The following MDGA2 variants were observed in gnomAD, a reference collection of about 807,000 sequenced individuals.
The protein encoded by MDGA2 is MAM domain containing glycosylphosphatidylinositol anchor 2.
A neutral mutation model predicts 117.8 loss-of-function variants in MDGA2; 40 were observed. The observed-to-expected ratio is 0.34, with a 90% CI of 0.26 to 0.44. The LOEUF (loss-of-function observed/expected upper bound fraction) is 0.44. MDGA2 is among the 20% of genes least tolerant of loss of function. The probability of loss-of-function intolerance (pLI) is 1.00; values close to 1 mark genes in which losing one functional copy is unlikely to be tolerated. For synonymous variants in MDGA2, 452 were observed against 439.0 expected (o/e 1.03, Z -0.37); for missense variants, 1,123 against 1,250.6 (o/e 0.90, Z 1.54).
At chr14:47,666,681 T>C (rs1347596933) in intron 1 of MDGA2, among the ~76,000 whole-genome samples, 4 of 152,214 alleles carry the variant, frequency 2.6e-5, no homozygotes, top group Non-Finnish European at 4.4e-5. Flanking sequence ...AAAAGCAGGC[T>C]GCCTGAGCCA....
chr14:47,541,633 T>C (rs149345447), intron 1 of MDGA2, among the ~76,000 whole-genome samples: 2 of 152,294 alleles, frequency 1.3e-5, no homozygotes, highest in African/African-American at 4.8e-5. Flanking sequence ...AACATCTGCT[T>C]TGGAATCAGA....
At chr14:47,209,757 A>G (rs1394143253) in intron 3 of MDGA2, among the ~76,000 whole-genome samples, 1 of 152,166 alleles carries the variant, frequency 6.6e-6, no homozygotes, top group Non-Finnish European at 1.5e-5. Context: ...AATTCAGAAA[A>G]TTGCAAAATC....
At chr14:46,907,025 G>T (rs1160647456) in intron 10 of MDGA2, among the ~76,000 whole-genome samples, 1 of 141,836 alleles carries the variant, frequency 7.1e-6, no homozygotes, top group Non-Finnish European at 1.5e-5. Flanking sequence ...CGCCCAGAGT[G>T]GAGTGCAGTG....
rs1897901328 is a variant in MDGA2 at position 47,664,232 on chromosome 14, A to G, written c.280+10285T>C. Among the ~76,000 whole-genome samples the G allele has an allele frequency of 2.0e-5, 3 of 152,216 alleles. No individual in the cohort carries two copies. The South Asian group carries it at 6.2e-4, about 31-fold the overall frequency. On this transcript the variant is annotated intron_variant, in intron 1 of 16. Transcript: ENST00000399232. Reference sequence around the variant, plus strand: ...TATAATACTTAAAGTGTTTAAAAATACTCAGTTTCTGTTATTTTCCCCTAG... The same window carrying G: ...TATAATACTTAAAGTGTTTAAAAATGCTCAGTTTCTGTTATTTTCCCCTAG...
chr14:47,135,776 T>C (rs1213027504), intron 4 of MDGA2, among the ~76,000 whole-genome samples: 2 of 152,166 alleles, frequency 1.3e-5, no homozygotes, highest in African/African-American at 4.8e-5. Flanking sequence ...TTCATTCTCA[T>C]CAAATTAGTT....
rs117168270 is a variant in MDGA2 at position 47,181,220 on chromosome 14, C to T, written c.595+36801G>A. 3.9e-3 allele frequency among the ~76,000 whole-genome samples: 600 copies of T among 152,200 alleles called. 29 individuals are homozygous for T. In the East Asian group the frequency reaches 0.1, roughly 25 times the overall value. The stretch of plus-strand genomic sequence containing the variant: ...CATGCATTAGGTGTTTGTCCTATTG[C>T]TCTCCCTCTCCTTGTCCCCCACCTC... On this transcript the variant is annotated intron_variant, in intron 3 of 16. Coordinates refer to ENST00000399232, the MANE Select transcript of MDGA2 (RefSeq NM_001113498.3).
chr14:47,477,772 G>A (rs962139987), intron 1 of MDGA2, among the ~76,000 whole-genome samples: 6 of 152,166 alleles, frequency 3.9e-5, no homozygotes, highest in African/African-American at 1.4e-4. Context: ...TATGTGAGAA[G>A]GATATTGCCT....
chr14:47,297,571 C>A (rs1309482226), intron 2 of MDGA2, among the ~76,000 whole-genome samples: 2 of 151,672 alleles, frequency 1.3e-5, no homozygotes, highest in Admixed American at 1.3e-4. Context: ...GTAGCTGAAT[C>A]CTGAAGCTGT....
At chr14:47,036,796 CAAAT>C (rs1368549162) in intron 7 of MDGA2, among the ~76,000 whole-genome samples, 1 of 152,178 alleles carries the variant, frequency 6.6e-6, no homozygotes, top group Non-Finnish European at 1.5e-5. Flanking sequence ...ATTATAGAGA[CAAAT>C]AAATTCAAGT....
chr14:47,043,665 T>C (rs1244555518), intron 7 of MDGA2, among the ~76,000 whole-genome samples: 1 of 152,110 alleles, frequency 6.6e-6, no homozygotes, highest in African/African-American at 2.4e-5. Context: ...AAGGTCTAAA[T>C]CCCACTGCTT....
intron 8 of MDGA2, among the ~76,000 whole-genome samples, chr14:47,012,645 A>G (rs943204268): frequency 3.9e-5 from 6 of 152,158 alleles, no homozygotes; most frequent in Non-Finnish European, 7.4e-5. Context: ...TGTTCCACAA[A>G]TACTGTTTTC....
At chr14:46,857,079 T>C (rs1034098633) in intron 14 of MDGA2, among the ~76,000 whole-genome samples, 2 of 152,232 alleles carry the variant, frequency 1.3e-5, no homozygotes, top group South Asian at 2.1e-4. Context: ...TACTCAAATA[T>C]ATCTTTTACT....
At chr14:47,196,966 C>T (rs1885308984) in intron 3 of MDGA2, among the ~76,000 whole-genome samples, 1 of 152,138 alleles carries the variant, frequency 6.6e-6, no homozygotes, top group Non-Finnish European at 1.5e-5. Context: ...TGGCCTCCAG[C>T]TGCATTCATG....
intron 6 of MDGA2, among the ~76,000 whole-genome samples, chr14:47,083,547 T>C (rs1890784957): frequency 6.6e-6 from 1 of 151,794 alleles, no homozygotes; most frequent in African/African-American, 2.4e-5. Context: ...AACAGAGAAT[T>C]GGAAACAGAA....
chr14:47,457,548 T>C (rs1442030982), intron 1 of MDGA2, among the ~76,000 whole-genome samples: 1 of 152,190 alleles, frequency 6.6e-6, no homozygotes, highest in Non-Finnish European at 1.5e-5. Flanking sequence ...GATAATATAC[T>C]GTCTCCAAAG....
At chr14:47,535,677 C>T (rs2138742269) in intron 1 of MDGA2, among the ~76,000 whole-genome samples, 1 of 152,132 alleles carries the variant, frequency 6.6e-6, no homozygotes, top group African/African-American at 2.4e-5. Flanking sequence ...TAAATTCAAA[C>T]AAAAAGGAGG....
intron 2 of MDGA2, among the ~76,000 whole-genome samples, chr14:47,241,064 T>C (rs1166217657): frequency 6.6e-6 from 1 of 151,796 alleles, no homozygotes. Context: ...ATGTTCTGCT[T>C]GAAAACTTAA....
At chr14:46,982,233 C>T (rs1402022191) in intron 8 of MDGA2, among the ~76,000 whole-genome samples, 1 of 151,830 alleles carries the variant, frequency 6.6e-6, no homozygotes, top group African/African-American at 2.4e-5. Flanking sequence ...GTATGGTAAC[C>T]GTATAATTTA....
intron 1 of MDGA2, among the ~76,000 whole-genome samples, chr14:47,615,767 C>T (rs1896937904): frequency 6.6e-6 from 1 of 152,140 alleles, no homozygotes; most frequent in Non-Finnish European, 1.5e-5. Flanking sequence ...AACCTCTTCC[C>T]CACCTCACCG....
Sources: gnomAD v4.1 joint callset for allele counts (sites outside exome capture counted in the v4.1 genomes callset) on GRCh38, gnomAD v4.1.1 for gene constraint, MANE v1.5 for transcripts, NCBI Gene and HGNC (gene_info 2026-07-23, HGNC 2026-07-21) for gene names.